The following TRPV6 variants were observed in gnomAD, a reference collection of about 807,000 sequenced individuals.
TRPV6 encodes transient receptor potential cation channel subfamily V member 6, also known as Alu-binding protein with zinc finger domain.
TRPV6 carries 39 observed loss-of-function variants against 79.0 expected under a neutral mutation model. The ratio of observed to expected loss-of-function variants is 0.49; its 90% CI spans 0.38 to 0.64. The LOEUF (loss-of-function observed/expected upper bound fraction) is 0.64. Ranked by LOEUF, TRPV6 falls within the 30% of genes least tolerant of loss-of-function variation. The pLI is 0.00. For missense variants in TRPV6, 813 were observed against 1,011.1 expected, an observed-to-expected ratio of 0.80 and a Z score of 2.66; for synonymous variants, 373 against 391.9, an observed-to-expected ratio of 0.95 and a Z score of 0.57.
chr7:142,875,170 G>A lies in TRPV6; in HGVS notation c.1243-6C>T. ...TTAGGGGTCATGTAGGCTTCCTAAT[G>A]GGGGAGAAGAACAGTCAAAATGCTC... On this transcript the variant is annotated splice_polypyrimidine_tract_variant and splice_region_variant and intron_variant, in intron 8 of 14. Transcript: ENST00000359396. 6.2e-7 allele frequency: 1 copy of A among 1,613,922 alleles called. No individual in the cohort carries two copies. The highest frequency in any genetic ancestry group is 8.5e-7 in the Non-Finnish European group (1 of 1,179,944).
Position 142,873,397 on chromosome 7 carries a change from G to C in TRPV6, c.1908+51C>G. On this transcript the variant is annotated intron_variant, in intron 13 of 14. Transcript: ENST00000359396. The surrounding 1 kb of genome is among the most constrained non-coding windows in gnomAD (Gnocchi z 4.8). ...TGTCTCTCAGCTTGGCAGGTTCCTT[G>C]GTAGGAAGGGGATGACTTGCCCTAA... 6.3e-7 allele frequency: 1 copy of C among 1,598,446 alleles called. No individual in the cohort carries two copies. The highest frequency in any genetic ancestry group is 8.5e-7 in the Non-Finnish European group (1 of 1,169,790).
chr7:142,882,973 CA>C (rs1160657550), intron 1 of TRPV6: 1 of 152,118 alleles, frequency 6.6e-6, no homozygotes, highest in African/African-American at 2.4e-5. Context: ...TCAGATCTCA[CA>C]CTTCCCCCTC....
intron 1 of TRPV6, chr7:142,882,355 A>G (rs1276174321): frequency 6.6e-6 from 1 of 152,206 alleles, no homozygotes; most frequent in East Asian, 1.9e-4. Flanking sequence ...AGAAAAGGAA[A>G]CTGAAGCGGC....
chr7:142,874,530 T>C lies in TRPV6; in HGVS notation c.1533A>G (p.Gly511=). Residue 511 remains glycine, a synonymous_variant, in exon 11 of 15, where the codon GGA becomes GGG. Transcript: ENST00000359396. The stretch of plus-strand genomic sequence containing the variant: ...TGGTGAAGGGGCCTAGCATCTGGAA[T>C]CCTCGGGCGAAGTACATGACGTTGC... The C allele has an allele frequency of 3.1e-6, 5 of 1,614,004 alleles. No homozygotes were observed. Among genetic ancestry groups the C allele is most frequent in the Non-Finnish European group, 4.2e-6 (5 of 1,180,028 alleles).
intron 3 of TRPV6, 156 bp downstream of exon 3, chr7:142,877,495 G>A: frequency 6.9e-7 from 1 of 1,447,508 alleles, no homozygotes; most frequent in Non-Finnish European, 9.3e-7. Context: ...CTAGTGATGG[G>A]CAGTCAGGAC....
Position 142,875,879 on chromosome 7 carries a change from C to T in TRPV6, c.908G>A (p.Arg303Gln), listed in dbSNP as rs761726615. Residue 303 changes from arginine to glutamine, a missense_variant, in exon 7 of 15, where the codon CGG (arginine) becomes CAG (glutamine). Around this residue, in one of 3 missense-constraint regions of TRPV6, gnomAD observed 555 missense variants for 631.0 expected, o/e 0.88. Transcript: ENST00000359396. Reference sequence around the variant, plus strand: ...TCCATACGTCCACTGGGTGTGCTTCCGCTTCTGCATCAGGTGCTGAAACAT... The same window carrying T: ...TCCATACGTCCACTGGGTGTGCTTCTGCTTCTGCATCAGGTGCTGAAACAT... 1.5e-5 allele frequency: 24 copies of T among 1,592,016 alleles called. No homozygotes were observed. Among genetic ancestry groups the T allele is most frequent in the East Asian group, 6.7e-5 (3 of 44,754 alleles).
chr7:142,874,865 G>A, intron 10 of TRPV6, 39 bp downstream of exon 10: 2 of 1,611,316 alleles, frequency 1.2e-6, no homozygotes, highest in Non-Finnish European at 1.7e-6. Flanking sequence ...CTGGAGCCCT[G>A]TTGAGGGAAG....
In TRPV6 at chr7:142,875,822, T is replaced by G. The variant is rs755771456; in HGVS notation, c.965A>C (p.Glu322Ala). ...CTGCTCATCCCCTGAGGAGTCGATCTCTGTGAGGTCATAGAGAGTCGAGGT... is the reference window on the plus strand; with the variant it reads ...CTGCTCATCCCCTGAGGAGTCGATCGCTGTGAGGTCATAGAGAGTCGAGGT... Residue 322 changes from glutamate (E) to alanine (A), a missense_variant, in exon 7 of 15, where the codon GAG becomes GCG. By Grantham distance (107) the Glu-to-Ala change is moderately radical. Coordinates refer to ENST00000359396, the MANE Select transcript of TRPV6 (RefSeq NM_018646.6). The G allele has an allele frequency of 7.4e-6, 12 of 1,612,004 alleles. No individual in the cohort carries two copies. Among genetic ancestry groups the G allele is most frequent in the African/African-American group, 2.7e-5 (2 of 74,740 alleles).
At chr7:142,885,039 A>T (rs1447741703) in intron 1 of TRPV6, 1 of 179,452 alleles carries the variant, frequency 5.6e-6, no homozygotes, top group African/African-American at 2.4e-5. Context: ...GAGATACAGA[A>T]GGCATTGTCC....
rs200411777 is a variant in TRPV6, at chr7:142,873,390, G to C, written c.1908+58C>G. On this transcript the variant is annotated intron_variant, in intron 13 of 14. Coordinates refer to ENST00000359396, the MANE Select transcript of TRPV6 (RefSeq NM_018646.6). The surrounding 1 kb of genome is among the most constrained non-coding windows in gnomAD (Gnocchi z 4.8). ...GATATCCTGTCTCTCAGCTTGGCAG[G>C]TTCCTTGGTAGGAAGGGGATGACTT... 3.1e-6 allele frequency: 5 copies of C among 1,595,640 alleles called. No homozygotes were observed. Among genetic ancestry groups the C allele is most frequent in the Middle Eastern group, 2.0e-4 (1 of 5,066 alleles).
rs1421678962 is a variant in TRPV6 at position 142,871,301 on chromosome 7, G to A, written c.*406C>T. Reference sequence around the variant, plus strand: ...CCGTTCCTGTCTCCCTCACTCACACGCTTTCCACAAGCTCTGCACTTCCCT... The same window carrying A: ...CCGTTCCTGTCTCCCTCACTCACACACTTTCCACAAGCTCTGCACTTCCCT... On this transcript the variant is annotated 3_prime_UTR_variant, in exon 15 of 15. Transcript: ENST00000359396. 4.3e-6 allele frequency: 2 copies of A among 466,658 alleles called. No homozygotes were observed. The highest frequency in any genetic ancestry group is 7.9e-6 in the Non-Finnish European group (2 of 253,622). 28.9% of individuals were successfully genotyped at this position (466,658 alleles called of 1,614,324 possible).
chr7:142,883,466 T>C (rs898542549), intron 1 of TRPV6: 2 of 152,262 alleles, frequency 1.3e-5, no homozygotes, highest in Non-Finnish European at 2.9e-5. Context: ...CACCATTTAC[T>C]TGCTCTAGGG....
At chr7:142,875,732 C>G (rs1361786508) in intron 7 of TRPV6, 26 bp downstream of exon 7, 1 of 1,598,632 alleles carries the variant, frequency 6.3e-7, no homozygotes, top group Non-Finnish European at 8.5e-7. Flanking sequence ...CCCTCCCCAG[C>G]CACAGCCTGC....
At chr7:142,876,981 C>T (rs1369899300) in intron 4 of TRPV6, 144 bp from the exon 5 acceptor site, 17 of 1,438,230 alleles carry the variant, frequency 1.2e-5, no homozygotes, top group African/African-American at 2.8e-5. Context: ...GAGGAAGGGT[C>T]GTGGGGTAAA....
At chr7:142,872,252 A>G in intron 14 of TRPV6, 120 bp downstream of exon 14, 1 of 1,111,312 alleles carries the variant, frequency 9.0e-7, no homozygotes, top group East Asian at 2.6e-5. Flanking sequence ...ATCAACAAGC[A>G]TAGAGCCTAG....
chr7:142,876,134 AG>A (rs1314258408), intron 6 of TRPV6: 3 of 664,174 alleles, frequency 4.5e-6, no homozygotes, highest in African/African-American at 1.8e-5. Flanking sequence ...GAGAGGCTGG[AG>A]GGCCCTGCTC....
chr7:142,877,524 G>A, intron 3 of TRPV6, 127 bp downstream of exon 3: 1 of 1,497,322 alleles, frequency 6.7e-7, no homozygotes, highest in Non-Finnish European at 9.0e-7. Context: ...AAGGGAGACA[G>A]AGAAGAGAAA....
At chr7:142,878,434 G>A in intron 1 of TRPV6, 1 of 233,764 alleles carries the variant, frequency 4.3e-6, no homozygotes, top group South Asian at 7.0e-5. Flanking sequence ...TTGCCCTCCA[G>A]GATAAGCCTT....
At chr7:142,874,201 C>T in intron 11 of TRPV6, 59 bp from the exon 12 acceptor site, 1 of 1,553,712 alleles carries the variant, frequency 6.4e-7, no homozygotes, top group Non-Finnish European at 8.8e-7. Context: ...TTGCCCCATC[C>T]AGCCTCTAAC....
Sources: allele counts gnomAD v4.1 joint callset, GRCh38; gene constraint gnomAD v4.1.1; regional missense constraint gnomAD v4.1.1; non-coding constraint Gnocchi (gnomAD v3.1); transcripts MANE v1.5; gene names NCBI Gene and HGNC (gene_info 2026-07-23, HGNC 2026-07-21).